Variants in SNTB1 observed in about 807,000 individuals in gnomAD.
SNTB1 encodes the protein syntrophin beta 1.
In SNTB1, 36 loss-of-function variants were observed where a neutral mutation model predicts 48.9. That is an observed-to-expected ratio of 0.74 (90% CI 0.56 to 0.97). SNTB1 has a LOEUF of 0.97. SNTB1 is among the 50% of genes least tolerant of loss of function. The probability of loss-of-function intolerance (pLI) is 0.00; values close to 1 mark genes in which losing one functional copy is unlikely to be tolerated. For missense variants in SNTB1, 786 were observed against 703.4 expected (o/e 1.12, Z -1.33); for synonymous variants, 299 against 294.6 (o/e 1.01, Z -0.15).
At chr8:120,721,565 A>T (rs2129949548) in intron 1 of SNTB1, among the ~76,000 whole-genome samples, 1 of 152,330 alleles carries the variant, frequency 6.6e-6, no homozygotes, top group Non-Finnish European at 1.5e-5. Flanking sequence ...CTGGCTTTTT[A>T]ATGAGTAAAT....
intron 1 of SNTB1, among the ~76,000 whole-genome samples, chr8:120,783,804 G>A (rs1375323603): frequency 1.3e-5 from 2 of 151,870 alleles, no homozygotes; most frequent in African/African-American, 4.8e-5. Flanking sequence ...GAAAATATTC[G>A]AAATAGATAA....
intron 5 of SNTB1, among the ~76,000 whole-genome samples, chr8:120,542,751 T>G (rs1355342813): frequency 6.6e-6 from 1 of 151,934 alleles, no homozygotes; most frequent in East Asian, 1.9e-4. Context: ...CAATTATATC[T>G]ACCACTTGGT....
intron 2 of SNTB1, chr8:120,637,931 C>T (rs1218970071): frequency 9.0e-6 from 2 of 221,504 alleles, no homozygotes; most frequent in Non-Finnish European, 2.0e-5. Context: ...GCTTCTTTGG[C>T]TTCAATACGC....
In SNTB1 at chr8:120,669,664, G is replaced by A. The variant is rs1297724087; in HGVS notation, c.788+24028C>T. Among the ~76,000 whole-genome samples the A allele has an allele frequency of 5.0e-5, 2 of 40,346 alleles. 1 individual carries two copies. The highest frequency in any genetic ancestry group is 8.2e-5 in the Non-Finnish European group (2 of 24,452). The allele number at this position is 40,346 out of a possible 152,430, so 26.5% of individuals were successfully genotyped here. On this transcript the variant is annotated intron_variant, in intron 2 of 6. Transcript: ENST00000517992. ...AGACGGGGTTTCACCGTGTTAGCCA[G>A]GATGGTCTCGATCTCCTGACCTCGT...
At chr8:120,587,041 T>A (rs182318462) in intron 3 of SNTB1, among the ~76,000 whole-genome samples, 101 of 152,204 alleles carry the variant, frequency 6.6e-4, no homozygotes, top group African/African-American at 2.3e-3. Flanking sequence ...GCCAACATGG[T>A]GAAACCCTGT....
intron 1 of SNTB1, among the ~76,000 whole-genome samples, chr8:120,754,878 C>T (rs1819287230): frequency 6.6e-6 from 1 of 152,068 alleles, no homozygotes; most frequent in Non-Finnish European, 1.5e-5. Flanking sequence ...ACATTATGGA[C>T]TGTAGAGTTG....
chr8:120,710,150 T>C (rs148393186), intron 1 of SNTB1, among the ~76,000 whole-genome samples: 1 of 152,190 alleles, frequency 6.6e-6, no homozygotes, highest in South Asian at 2.1e-4. Context: ...AAAAGGGAAA[T>C]AGATGTTGAA....
At chr8:120,724,360 T>C (rs1273459515) in intron 1 of SNTB1, among the ~76,000 whole-genome samples, 1 of 152,202 alleles carries the variant, frequency 6.6e-6, no homozygotes, top group Middle Eastern at 3.2e-3. Flanking sequence ...CTTCATCTTG[T>C]GTCACCTGCC....
intron 4 of SNTB1, among the ~76,000 whole-genome samples, chr8:120,563,786 A>G (rs972819005): frequency 1.5e-4 from 23 of 152,106 alleles, no homozygotes; most frequent in Non-Finnish European, 2.5e-4. Context: ...GGGGACTGAC[A>G]GTCACCTGGC....
At chr8:120,682,950 C>T (rs916469416) in intron 2 of SNTB1, among the ~76,000 whole-genome samples, 1 of 144,850 alleles carries the variant, frequency 6.9e-6, no homozygotes, top group Non-Finnish European at 1.5e-5. Flanking sequence ...GGCGCTATCT[C>T]GGCTCACTGC....
At chr8:120,573,188 A>G (rs917397706) in intron 4 of SNTB1, among the ~76,000 whole-genome samples, 5 of 152,212 alleles carry the variant, frequency 3.3e-5, no homozygotes, top group Non-Finnish European at 7.3e-5. Context: ...TCCTAACAAC[A>G]GTGTACAAGG....
chr8:120,685,584 A>G (rs908062361), intron 2 of SNTB1, among the ~76,000 whole-genome samples: 2 of 152,104 alleles, frequency 1.3e-5, no homozygotes, highest in African/African-American at 4.8e-5. Context: ...TAAATCTCCA[A>G]ATGCCTTCAG....
chr8:120,662,242 T>C (rs573444349), intron 2 of SNTB1, among the ~76,000 whole-genome samples: 1 of 152,220 alleles, frequency 6.6e-6, no homozygotes, highest in African/African-American at 2.4e-5. Flanking sequence ...TAAATTGTCA[T>C]GCAATTCTGC....
chr8:120,624,240 C>A (rs961100975), intron 3 of SNTB1, among the ~76,000 whole-genome samples: 1 of 152,082 alleles, frequency 6.6e-6, no homozygotes, highest in African/African-American at 2.4e-5. Context: ...ACCTGCCCGA[C>A]TAGGTAATTT....
chr8:120,655,533 C>A (rs1257169350), intron 2 of SNTB1, among the ~76,000 whole-genome samples: 1 of 152,034 alleles, frequency 6.6e-6, no homozygotes, highest in African/African-American at 2.4e-5. Context: ...TGCCTCTTCC[C>A]ATTAGTAAGA....
chr8:120,572,002 C>T (rs992692669), intron 4 of SNTB1, among the ~76,000 whole-genome samples: 7 of 152,112 alleles, frequency 4.6e-5, no homozygotes, highest in East Asian at 1.9e-4. Flanking sequence ...CCCACCTCCC[C>T]GGCCCCACCC....
intron 3 of SNTB1, among the ~76,000 whole-genome samples, chr8:120,577,263 C>A (rs1423508076): frequency 6.6e-6 from 1 of 152,182 alleles, no homozygotes; most frequent in African/African-American, 2.4e-5. Context: ...TCCCCGACTC[C>A]GCTGCTGTAA....
intron 2 of SNTB1, among the ~76,000 whole-genome samples, chr8:120,665,981 C>T (rs1044644188): frequency 2.6e-5 from 4 of 152,100 alleles, no homozygotes; most frequent in African/African-American, 9.7e-5. Flanking sequence ...TATAAAAAGA[C>T]TAGAATGAAG....
At chr8:120,600,744 G>T (rs1249542697) in intron 3 of SNTB1, among the ~76,000 whole-genome samples, 1 of 151,922 alleles carries the variant, frequency 6.6e-6, no homozygotes, top group Non-Finnish European at 1.5e-5. Flanking sequence ...ACCATAAGAT[G>T]GGGCAGCAAG....
Sources: gnomAD v4.1 joint callset for allele counts (sites outside exome capture counted in the v4.1 genomes callset) on GRCh38, gnomAD v4.1.1 for gene constraint, MANE v1.5 for transcripts, NCBI Gene and HGNC (gene_info 2026-07-23, HGNC 2026-07-21) for gene names.